OSBPL10: variants seen among roughly 807,000 people sequenced by gnomAD.
The protein encoded by OSBPL10 is oxysterol-binding protein-related protein 10.
Under a neutral mutation model 81.7 loss-of-function variants are expected in OSBPL10, and 49 were observed. The observed-to-expected ratio is 0.60, with a 90% CI of 0.48 to 0.76. The LOEUF (loss-of-function observed/expected upper bound fraction) is 0.76. Ranked by LOEUF, OSBPL10 falls within the 30% of genes least tolerant of loss-of-function variation. The probability of loss-of-function intolerance (pLI) is 0.00; values close to 1 mark genes in which losing one functional copy is unlikely to be tolerated. For missense variants in OSBPL10, 923 were observed against 987.8 expected, an observed-to-expected ratio of 0.93 and a Z score of 0.88; for synonymous variants, 419 against 383.6, an observed-to-expected ratio of 1.09 and a Z score of -1.08.
chr3:31,727,348 A>G (rs895920061), intron 6 of OSBPL10, among the ~76,000 whole-genome samples: 1 of 152,018 alleles, frequency 6.6e-6, no homozygotes, highest in African/African-American at 2.4e-5. Context: ...TTTGACTCCT[A>G]AAGACTATTC....
At chr3:31,982,370 CAGACA>C (rs889520666), upstream of OSBPL10, among the ~76,000 whole-genome samples, 6 of 152,108 alleles carry the variant, frequency 3.9e-5, no homozygotes, top group African/African-American at 1.4e-4. Flanking sequence ...CACACACACA[CAGACA>C]AAACAAAAGG....
intron 4 of OSBPL10, chr3:31,794,638 T>A: frequency 3.0e-6 from 1 of 328,334 alleles, no homozygotes; most frequent in Non-Finnish European, 6.1e-6. Flanking sequence ...CCTGGGTTGT[T>A]GGTGTGGAGT....
chr3:31,742,508 G>T (rs1258035298), intron 5 of OSBPL10, among the ~76,000 whole-genome samples: 1 of 152,102 alleles, frequency 6.6e-6, no homozygotes, highest in Non-Finnish European at 1.5e-5. Flanking sequence ...GTGTTCACGG[G>T]TACCTGTGTC....
chr3:31,978,349 G>A (rs1698741169), intron 1 of OSBPL10, among the ~76,000 whole-genome samples: 1 of 152,174 alleles, frequency 6.6e-6, no homozygotes, highest in Admixed American at 6.5e-5. Context: ...AGGGAAGGGT[G>A]GTAGCTCCAG....
intron 1 of OSBPL10, among the ~76,000 whole-genome samples, chr3:31,965,655 A>ATATAATATATTATATAAATTATATAT (rs1172011803): frequency 1.4e-5 from 1 of 71,862 alleles, no homozygotes; most frequent in Non-Finnish European, 2.4e-5. Flanking sequence ...ATTATATATT[A>ATATAATATATTATATAAATTATATAT]TATATTATAT....
chr3:31,814,506 A>G (rs1699782724), intron 4 of OSBPL10, among the ~76,000 whole-genome samples: 1 of 152,136 alleles, frequency 6.6e-6, no homozygotes, highest in Non-Finnish European at 1.5e-5. Flanking sequence ...AGAAAAAAAG[A>G]CAGAGACACC....
chr3:31,687,806 C>T (rs1210627525), intron 7 of OSBPL10, among the ~76,000 whole-genome samples: 1 of 151,938 alleles, frequency 6.6e-6, no homozygotes, highest in East Asian at 1.9e-4. Context: ...AGGTATGGTG[C>T]CTTGTGCCTG....
chr3:31,785,066 G>A (rs1298500516), intron 4 of OSBPL10, among the ~76,000 whole-genome samples: 1 of 151,892 alleles, frequency 6.6e-6, no homozygotes, highest in East Asian at 1.9e-4. Flanking sequence ...TGTATTTTTA[G>A]TAGAGATGGG....
At chr3:31,684,208 T>G in intron 7 of OSBPL10, 94 bp from the exon 8 acceptor site, 15 of 1,482,668 alleles carry the variant, frequency 1.0e-5, no homozygotes, top group Non-Finnish European at 1.2e-5. Flanking sequence ...TTAAGCAAAT[T>G]CATAACATCT....
At chr3:32,015,745 A>G (rs1277735761) in intron 2 of OSBPL10, among the ~76,000 whole-genome samples, 1 of 152,226 alleles carries the variant, frequency 6.6e-6, no homozygotes, top group Non-Finnish European at 1.5e-5. Flanking sequence ...AACTCCAACA[A>G]ATTTACAAGA....
intron 1 of OSBPL10, among the ~76,000 whole-genome samples, chr3:31,969,846 C>G (rs1698502815): frequency 1.3e-5 from 2 of 149,028 alleles, no homozygotes; most frequent in East Asian, 4.0e-4. Context: ...CAAAGCGAGA[C>G]TCCGTCTCAA....
rs182794071 is a variant in OSBPL10, at chr3:31,955,674, C to T, written c.281+25225G>A. ...CCACCAGGGATTTAGCCATCATCTC[C>T]ATGCACATGCTCTTAATAACAAATA... On this transcript the variant is annotated intron_variant, in intron 1 of 11. Coordinates refer to ENST00000396556, the MANE Select transcript of OSBPL10 (RefSeq NM_017784.5). Among the ~76,000 whole-genome samples, 6 of 152,364 alleles carry T rather than the reference C, an allele frequency of 3.9e-5. 1 individual carries two copies. Among genetic ancestry groups the T allele is most frequent in the East Asian group, 1.9e-4 (1 of 5,188 alleles).
intron 6 of OSBPL10, among the ~76,000 whole-genome samples, chr3:31,712,037 G>C (rs1305512203): frequency 6.6e-5 from 10 of 152,152 alleles, no homozygotes; most frequent in Admixed American, 6.5e-4. Context: ...GTAGCCAAGA[G>C]AAGGAGGGGA....
intron 4 of OSBPL10, among the ~76,000 whole-genome samples, chr3:31,809,632 A>G (rs9863372): frequency 0.034 from 5,179 of 152,312 alleles, 318 homozygotes; most frequent in African/African-American, 0.12. Flanking sequence ...AAGGACAATA[A>G]GGCTGTGCTG....
At chr3:31,875,291 CTTCTG>C (rs1269628412) in intron 3 of OSBPL10, among the ~76,000 whole-genome samples, 1 of 152,056 alleles carries the variant, frequency 6.6e-6, no homozygotes, top group South Asian at 2.1e-4. Flanking sequence ...CTCTTATCCT[CTTCTG>C]TTCTGGTTTA....
At chr3:31,955,346 T>C (rs1353338847) in intron 1 of OSBPL10, among the ~76,000 whole-genome samples, 1 of 152,198 alleles carries the variant, frequency 6.6e-6, no homozygotes, top group Non-Finnish European at 1.5e-5. Context: ...CTCAGAATGG[T>C]GCAGGAACTT....
At chr3:31,819,344 T>C (rs1456490070) in intron 4 of OSBPL10, among the ~76,000 whole-genome samples, 1 of 152,260 alleles carries the variant, frequency 6.6e-6, no homozygotes, top group African/African-American at 2.4e-5. Flanking sequence ...TGCTACACTC[T>C]GCCGGGCACT....
chr3:32,020,474 A>G (rs1358184353), intron 2 of OSBPL10, among the ~76,000 whole-genome samples: 1 of 152,212 alleles, frequency 6.6e-6, no homozygotes, highest in Non-Finnish European at 1.5e-5. Flanking sequence ...TCAGTACTAT[A>G]TCATTCCTTT....
At chr3:31,869,854 T>C (rs914756949) in intron 3 of OSBPL10, among the ~76,000 whole-genome samples, 22 of 152,362 alleles carry the variant, frequency 1.4e-4, no homozygotes, top group Middle Eastern at 6.8e-3. Flanking sequence ...TGGATGAAGC[T>C]CACACTAGTA....
Sources: gnomAD v4.1 joint callset for allele counts (sites outside exome capture counted in the v4.1 genomes callset) on GRCh38, gnomAD v4.1.1 for gene constraint, MANE v1.5 for transcripts, NCBI Gene and HGNC (gene_info 2026-07-23, HGNC 2026-07-21) for gene names.